FAM135B: variants seen among roughly 807,000 people sequenced by gnomAD.
FAM135B encodes protein FAM135B.
In FAM135B, 43 loss-of-function variants were observed where a neutral mutation model predicts 127.7. The ratio of observed to expected loss-of-function variants is 0.34; its 90% CI spans 0.26 to 0.43. FAM135B has a LOEUF of 0.43. Among genes scored for constraint, FAM135B ranks in the 20% least tolerant of loss-of-function variants. The pLI is 1.00. For missense variants in FAM135B, 1,558 were observed against 1,725.6 expected (o/e 0.90, Z 1.72); for synonymous variants, 670 against 665.1 (o/e 1.01, Z -0.11).
intron 3 of FAM135B, among the ~76,000 whole-genome samples, chr8:138,302,367 T>G (rs1417528156): frequency 6.6e-6 from 1 of 152,130 alleles, no homozygotes; most frequent in Non-Finnish European, 1.5e-5. Context: ...GCCCTCCACT[T>G]GTCCCTCATC....
chr8:138,134,337 A>G (rs1816451403), intron 19 of FAM135B, among the ~76,000 whole-genome samples: 1 of 152,238 alleles, frequency 6.6e-6, no homozygotes, highest in African/African-American at 2.4e-5. Flanking sequence ...TTACACAAAT[A>G]CCATAATTTG....
At chr8:138,399,143 T>A (rs1587351155) in intron 1 of FAM135B, among the ~76,000 whole-genome samples, 1 of 152,218 alleles carries the variant, frequency 6.6e-6, no homozygotes, top group Admixed American at 6.5e-5. Flanking sequence ...TGCCTTTTTT[T>A]CCCTGGGACA....
In FAM135B at chr8:138,302,193, G is replaced by C. The variant is rs111387582; in HGVS notation, c.157+8648C>G. ...AGAGAAGAAAAATGAATTCCAAGGA[G>C]GGGGGTGAGGAGTCCGAGGTCATCC... On this transcript the variant is annotated intron_variant, in intron 3 of 19. Transcript: ENST00000395297. Among the ~76,000 whole-genome samples the C allele has an allele frequency of 2.0e-5, 3 of 152,156 alleles. 1 individual carries two copies. Among genetic ancestry groups the C allele is most frequent in the African/African-American group, 4.8e-5 (2 of 41,506 alleles).
chr8:138,214,182 C>T (rs1818363649), intron 7 of FAM135B, among the ~76,000 whole-genome samples: 1 of 152,138 alleles, frequency 6.6e-6, no homozygotes, highest in South Asian at 2.1e-4. Context: ...AAATGAGAGT[C>T]TATCTCCTCT....
chr8:138,244,010 C>T (rs1407061545), intron 6 of FAM135B, among the ~76,000 whole-genome samples: 1 of 152,086 alleles, frequency 6.6e-6, no homozygotes, highest in Non-Finnish European at 1.5e-5. Flanking sequence ...TATGGGTGCT[C>T]AAGAAACATT....
At chr8:138,263,780 T>G (rs150213617) in intron 4 of FAM135B, among the ~76,000 whole-genome samples, 10 of 152,226 alleles carry the variant, frequency 6.6e-5, no homozygotes, top group African/African-American at 2.4e-4. Context: ...AAAGAAGGGA[T>G]TACAAGTTAA....
intron 7 of FAM135B, among the ~76,000 whole-genome samples, chr8:138,232,303 T>G (rs1819963561): frequency 6.6e-6 from 1 of 152,198 alleles, no homozygotes; most frequent in Non-Finnish European, 1.5e-5. Flanking sequence ...TGTCACCATG[T>G]GACATCTCCA....
At chr8:138,458,837 T>TA (rs990089133) in intron 1 of FAM135B, among the ~76,000 whole-genome samples, 1 of 152,198 alleles carries the variant, frequency 6.6e-6, no homozygotes, top group Non-Finnish European at 1.5e-5. Flanking sequence ...TTGTAGAAGT[T>TA]ACGCTGAATT....
intron 5 of FAM135B, among the ~76,000 whole-genome samples, chr8:138,255,761 A>C (rs565506884): frequency 6.6e-6 from 1 of 152,284 alleles, no homozygotes; most frequent in South Asian, 2.1e-4. Context: ...GGGGTACCTA[A>C]GCAGTCTCTT....
At chr8:138,277,067 CAGTCCTGCCA>C (rs900905999) in intron 3 of FAM135B, among the ~76,000 whole-genome samples, 213 of 152,304 alleles carry the variant, frequency 1.4e-3, no homozygotes, top group African/African-American at 4.8e-3. Context: ...ATGCACAGGT[CAGTCCTGCCA>C]AGACCTGTGT....
intron 7 of FAM135B, among the ~76,000 whole-genome samples, chr8:138,231,974 C>G (rs755300563): frequency 1.4e-4 from 21 of 152,196 alleles, no homozygotes; most frequent in Non-Finnish European, 2.8e-4. Context: ...CCTTACCCTT[C>G]CTGAGTCCCA....
intron 19 of FAM135B, among the ~76,000 whole-genome samples, chr8:138,134,953 A>C (rs1349096801): frequency 6.6e-6 from 1 of 152,208 alleles, no homozygotes; most frequent in Non-Finnish European, 1.5e-5. Context: ...AGCAAAGCGC[A>C]TGAATTGTGC....
intron 1 of FAM135B, among the ~76,000 whole-genome samples, chr8:138,432,949 A>G (rs908350354): frequency 2.6e-5 from 4 of 152,130 alleles, no homozygotes; most frequent in African/African-American, 7.2e-5. Flanking sequence ...AGGAATGACA[A>G]TGGAACATTG....
In FAM135B at chr8:138,383,442, T is replaced by C. The variant is rs538314667; in HGVS notation, c.-19-15440A>G. On this transcript the variant is annotated intron_variant, in intron 1 of 19. Coordinates refer to ENST00000395297, the MANE Select transcript of FAM135B (RefSeq NM_015912.4). ...AAGGGAATAGATGCATGATAGCTGA[T>C]GTAGAGGTTGGTGGGATCCCAAGCA... is the stretch of plus-strand genomic sequence containing the variant. 2.6e-5 allele frequency among the ~76,000 whole-genome samples: 4 copies of C among 152,340 alleles called. No homozygotes were observed. The East Asian group carries it at 7.7e-4, about 29-fold the overall frequency.
chr8:138,218,766 CAG>C (rs34578685), intron 7 of FAM135B, among the ~76,000 whole-genome samples: 9,768 of 79,926 alleles, frequency 0.12, 342 homozygotes, highest in South Asian at 0.17. Flanking sequence ...CACACACACA[CAG>C]AGAGAGAGAG....
In FAM135B at chr8:138,260,500, C is replaced by A. The variant is rs139573476; in HGVS notation, c.298-3741G>T. Reference sequence around the variant, plus strand: ...CTGTTCTTATAACTCATCCTGAACTCCTTTCACTCCCTAGTAGAAGCTTTT... The same window carrying A: ...CTGTTCTTATAACTCATCCTGAACTACTTTCACTCCCTAGTAGAAGCTTTT... On this transcript the variant is annotated intron_variant, in intron 4 of 19. Coordinates refer to ENST00000395297, the MANE Select transcript of FAM135B (RefSeq NM_015912.4). Among the ~76,000 whole-genome samples the A allele has an allele frequency of 1.8e-3, 267 of 152,264 alleles. 4 individuals are homozygous for A. In the East Asian group the frequency reaches 0.042, roughly 24 times the overall value.
chr8:138,297,119 T>A (rs1586996971), intron 3 of FAM135B, among the ~76,000 whole-genome samples: 1 of 152,288 alleles, frequency 6.6e-6, no homozygotes, highest in Middle Eastern at 3.4e-3. Flanking sequence ...TCATGTCACG[T>A]GATCAGACGT....
At chr8:138,306,740 G>A (rs758384001) in intron 3 of FAM135B, among the ~76,000 whole-genome samples, 3 of 151,992 alleles carry the variant, frequency 2.0e-5, no homozygotes, top group African/African-American at 4.8e-5. Context: ...GCACCACCAC[G>A]CCTGGCTAAT....
intron 1 of FAM135B, among the ~76,000 whole-genome samples, chr8:138,390,958 C>G (rs1587328165): frequency 6.6e-6 from 1 of 152,072 alleles, no homozygotes; most frequent in African/African-American, 2.4e-5. Flanking sequence ...CAGGTGCTAC[C>G]CAGGGAAAGC....
Sources: gnomAD v4.1 joint callset for allele counts (sites outside exome capture counted in the v4.1 genomes callset) on GRCh38, gnomAD v4.1.1 for gene constraint, MANE v1.5 for transcripts, NCBI Gene and HGNC (gene_info 2026-07-23, HGNC 2026-07-21) for gene names.